Variants in NFATC3 observed in about 807,000 individuals in gnomAD.
The protein encoded by NFATC3 is nuclear factor of activated T cells 3.
NFATC3 carries 46 observed loss-of-function variants against 98.6 expected under a neutral mutation model. The ratio of observed to expected loss-of-function variants is 0.47; its 90% CI spans 0.37 to 0.60. NFATC3 has a LOEUF of 0.60. Ranked by LOEUF, NFATC3 falls within the 20% of genes least tolerant of loss-of-function variation. The pLI is 0.00. For missense variants in NFATC3, 1,256 were observed against 1,295.5 expected (o/e 0.97, Z 0.47); for synonymous variants, 512 against 472.2 (o/e 1.08, Z -1.09).
intron 4 of NFATC3, among the ~76,000 whole-genome samples, chr16:68,162,962 C>G (rs574009667): frequency 6.6e-6 from 1 of 151,644 alleles, no homozygotes; most frequent in Non-Finnish European, 1.5e-5. Context: ...AACGAGCACG[C>G]TGCCTTCAAG....
At chr16:68,139,065 AAG>A (rs1325674529) in intron 3 of NFATC3, among the ~76,000 whole-genome samples, 1 of 152,222 alleles carries the variant, frequency 6.6e-6, no homozygotes, top group African/African-American at 2.4e-5. Context: ...AGAGATGAAC[AAG>A]AGAGACAAAA....
intron 4 of NFATC3, among the ~76,000 whole-genome samples, chr16:68,162,684 A>G (rs2038950377): frequency 1.3e-5 from 2 of 151,990 alleles, no homozygotes; most frequent in South Asian, 2.1e-4. Flanking sequence ...TGTTCCGACA[A>G]GGTTGACTTT....
At chr16:68,154,742 G>A (rs868224029) in intron 3 of NFATC3, among the ~76,000 whole-genome samples, 6 of 152,218 alleles carry the variant, frequency 3.9e-5, no homozygotes, top group Admixed American at 3.3e-4. Context: ...AGCTTGAGTG[G>A]TTCATGCAAT....
intron 3 of NFATC3, among the ~76,000 whole-genome samples, chr16:68,146,348 C>G (rs1165825294): frequency 6.6e-6 from 1 of 151,844 alleles, no homozygotes; most frequent in Non-Finnish European, 1.5e-5. Flanking sequence ...AAGAGGATCA[C>G]TGCTTGAGCC....
At chr16:68,209,254 C>T (rs2041275141) in intron 9 of NFATC3, among the ~76,000 whole-genome samples, 1 of 152,148 alleles carries the variant, frequency 6.6e-6, no homozygotes, top group South Asian at 2.1e-4. Flanking sequence ...GTGATACCAG[C>T]ACTTTGGGAG....
intron 3 of NFATC3, among the ~76,000 whole-genome samples, chr16:68,140,580 C>T (rs2037698135): frequency 6.6e-6 from 1 of 152,024 alleles, no homozygotes; most frequent in South Asian, 2.1e-4. Context: ...AACTGGATAT[C>T]CGTAGGCAAG....
At chr16:68,155,122 A>AG (rs1432487210) in intron 3 of NFATC3, among the ~76,000 whole-genome samples, 1 of 152,214 alleles carries the variant, frequency 6.6e-6, no homozygotes, top group Non-Finnish European at 1.5e-5. Context: ...TTCTGGGTAC[A>AG]GGGAGGATAA....
intron 6 of NFATC3, among the ~76,000 whole-genome samples, chr16:68,174,913 A>G (rs373434483): frequency 1.3e-5 from 2 of 152,220 alleles, no homozygotes; most frequent in East Asian, 3.9e-4. Context: ...CAGCAACTCT[A>G]CTCCTAAGTG....
At chr16:68,102,215 C>CA (rs1274377585) in intron 1 of NFATC3, among the ~76,000 whole-genome samples, 5 of 151,166 alleles carry the variant, frequency 3.3e-5, no homozygotes, top group African/African-American at 1.2e-4. Flanking sequence ...ACTAAAAATA[C>CA]AAAAAAATTA....
At chr16:68,166,064 G>A (rs563134109) in intron 4 of NFATC3, among the ~76,000 whole-genome samples, 1 of 152,254 alleles carries the variant, frequency 6.6e-6, no homozygotes, top group Admixed American at 6.5e-5. Flanking sequence ...CTGATAGATT[G>A]TTTTTATTAA....
intron 9 of NFATC3, among the ~76,000 whole-genome samples, chr16:68,197,559 C>T (rs939733959): frequency 2.0e-5 from 3 of 152,096 alleles, no homozygotes; most frequent in Middle Eastern, 3.2e-3. Context: ...TTGAGGCTAG[C>T]GTGGACAACA....
chr16:68,193,228 G>A (rs575853909), intron 9 of NFATC3, among the ~76,000 whole-genome samples: 1 of 152,236 alleles, frequency 6.6e-6, no homozygotes, highest in East Asian at 1.9e-4. Context: ...ATAGTACACT[G>A]TTTTATATAA....
intron 3 of NFATC3, 62 bp from the exon 4 acceptor site, chr16:68,157,807 G>T: frequency 7.7e-7 from 1 of 1,293,052 alleles, no homozygotes; most frequent in Non-Finnish European, 1.1e-6. Flanking sequence ...TACTATTGTT[G>T]GCATATTGTA....
At chr16:68,101,659 A>AT (rs1259538960) in intron 1 of NFATC3, among the ~76,000 whole-genome samples, 1 of 150,874 alleles carries the variant, frequency 6.6e-6, no homozygotes, top group Non-Finnish European at 1.5e-5. Flanking sequence ...AATTTTTTGT[A>AT]TTTTTGATAG....
intron 2 of NFATC3, among the ~76,000 whole-genome samples, chr16:68,125,993 A>G (rs2036816891): frequency 6.6e-6 from 1 of 152,072 alleles, no homozygotes; most frequent in African/African-American, 2.4e-5. Context: ...CCTGGGCTCA[A>G]GCATTTCTGC....
At chr16:68,140,607 T>C (rs1385035162) in intron 3 of NFATC3, among the ~76,000 whole-genome samples, 1 of 152,122 alleles carries the variant, frequency 6.6e-6, no homozygotes, top group East Asian at 1.9e-4. Context: ...AGCCTTGACA[T>C]AAACCTTATA....
At chr16:68,213,284 G>A (rs1271540095) in intron 9 of NFATC3, among the ~76,000 whole-genome samples, 7 of 150,844 alleles carry the variant, frequency 4.6e-5, no homozygotes, top group Non-Finnish European at 7.4e-5. Context: ...GCGTGGTGGC[G>A]GGCACCTGTG....
At chr16:68,177,579 ACTT>A (rs149345700) in intron 6 of NFATC3, among the ~76,000 whole-genome samples, 17,753 of 151,352 alleles carry the variant, frequency 0.12, 1,191 homozygotes, top group South Asian at 0.2. Context: ...TCTATATTTA[ACTT>A]CTTTTTACTT....
At position 68,191,790 on chromosome 16, in the gene NFATC3, G is replaced by A; in HGVS notation, c.3106+15G>A. The A allele has an allele frequency of 6.2e-7, 1 of 1,613,276 alleles. No individual in the cohort carries two copies. The highest frequency in any genetic ancestry group is 1.7e-5 in the Admixed American group (1 of 59,976). ...TTTAGATGATGGTAAGTTCATCTCT[G>A]ATATGTTCTTGAAGTAGTGAAGATT... is the stretch of plus-strand genomic sequence containing the variant. On this transcript the variant is annotated intron_variant, in intron 9 of 9. Coordinates refer to ENST00000346183, the MANE Select transcript of NFATC3 (RefSeq NM_173165.3).
Sources: gnomAD v4.1 joint callset for allele counts (sites outside exome capture counted in the v4.1 genomes callset) on GRCh38, gnomAD v4.1.1 for gene constraint, MANE v1.5 for transcripts, NCBI Gene and HGNC (gene_info 2026-07-23, HGNC 2026-07-21) for gene names.